GRIN2C: variants seen among roughly 807,000 people sequenced by gnomAD.
The protein encoded by GRIN2C is glutamate ionotropic receptor NMDA type subunit 2C, also known as glutamate receptor ionotropic, NMDA 2C.
In GRIN2C, 64 loss-of-function variants were observed where a neutral mutation model predicts 77.7. That is an observed-to-expected ratio of 0.82 (90% CI 0.67 to 1.01). GRIN2C has a LOEUF of 1.01. Ranked by LOEUF, GRIN2C falls within the 50% of genes least tolerant of loss-of-function variation. The pLI is 0.00. For missense variants in GRIN2C, 1,549 were observed against 1,486.0 expected (o/e 1.04, Z -0.70); for synonymous variants, 792 against 643.4 (o/e 1.23, Z -3.49).
rs1291085537 is a variant in GRIN2C, at chr17:74,842,076, C to T, written c.*359G>A. 4 of 260,482 alleles carry T rather than the reference C, an allele frequency of 1.5e-5. No homozygotes were observed. The highest frequency in any genetic ancestry group is 2.9e-5 in the Non-Finnish European group (4 of 137,146). 16.1% of individuals were successfully genotyped at this position (260,482 alleles called of 1,614,324 possible). A position where few individuals can be genotyped will look rare whatever the true frequency, so the allele number is the denominator to read the frequency against. On this transcript the variant is annotated 3_prime_UTR_variant, in exon 13 of 13. Transcript: ENST00000293190. ...GTGCTCTGATGAGAAGAAACTCTAG[C>T]CAGGTAGAGCAAGGATCGGGATGGC...
chr17:74,858,997 C>T (rs1345310735), intron 1 of GRIN2C, among the ~76,000 whole-genome samples: 1 of 152,132 alleles, frequency 6.6e-6, no homozygotes, highest in Non-Finnish European at 1.5e-5. Context: ...GGGCACCTGC[C>T]CTTCTTCCCC....
rs755875501 is a variant in GRIN2C, at chr17:74,847,561, G to A, written c.1772-24C>T. On this transcript the variant is annotated intron_variant, in intron 8 of 12. Transcript: ENST00000293190. This position sits in a 1 kb window ranked among gnomAD's most constrained non-coding sequence, Gnocchi z 5.2. ...CTCTGGGGGCAAGAGGCGGGGGGATGCTGGAGCTCCTCCTGCCCACCATGA... is the reference window on the plus strand; with the variant it reads ...CTCTGGGGGCAAGAGGCGGGGGGATACTGGAGCTCCTCCTGCCCACCATGA... 3 of 1,511,306 alleles carry A rather than the reference G, an allele frequency of 2.0e-6. No individual in the cohort carries two copies. The highest frequency in any genetic ancestry group is 1.4e-5 in the African/African-American group (1 of 73,098). The allele number at this position is 1,511,306 out of a possible 1,614,324, so 93.6% of individuals were successfully genotyped here. A position where few individuals can be genotyped will look rare whatever the true frequency, so the allele number is the denominator to read the frequency against.
intron 1 of GRIN2C, among the ~76,000 whole-genome samples, chr17:74,858,771 C>T (rs1379452180): frequency 1.3e-5 from 2 of 151,988 alleles, no homozygotes; most frequent in East Asian, 1.9e-4. Flanking sequence ...CGCAACCAAC[C>T]GTCCTCCCAT....
upstream of GRIN2C, chr17:74,860,350 G>T: frequency 2.2e-6 from 1 of 450,666 alleles, no homozygotes. Flanking sequence ...GAGGGCTGGG[G>T]GACCGAGCCA....
At chr17:74,843,724 G>C (rs35682390) in intron 12 of GRIN2C, among the ~76,000 whole-genome samples, 171 bp from the exon 13 acceptor site, 2,975 of 152,316 alleles carry the variant, frequency 0.02, 51 homozygotes, top group Middle Eastern at 0.058. Flanking sequence ...ATGAATGAGT[G>C]GTCTGAGCGC....
In GRIN2C at chr17:74,849,976, T is replaced by C. The variant is rs201885595; in HGVS notation, c.1492-43A>G. The C allele has an allele frequency of 9.9e-4, 1,568 of 1,589,950 alleles. 5 individuals carry two copies. Among genetic ancestry groups the C allele is most frequent in the Non-Finnish European group, 1.1e-3 (1,322 of 1,168,820 alleles). On this transcript the variant is annotated intron_variant, in intron 6 of 12. Coordinates refer to ENST00000293190, the MANE Select transcript of GRIN2C (RefSeq NM_000835.6). The surrounding 1 kb of genome is among the most constrained non-coding windows in gnomAD (Gnocchi z 4.6). ...CGGAGGTTTGAAAAAGGGGCTCCCG[T>C]GGGGTGGACACGCTGCACAGGCACC...
At chr17:74,851,725 A>C in intron 3 of GRIN2C, 34 bp from the exon 4 acceptor site, 1 of 1,326,712 alleles carries the variant, frequency 7.5e-7, no homozygotes, top group Non-Finnish European at 1.1e-6. Context: ...CAGCCCTGCC[A>C]AGGACCAGGC....
chr17:74,852,128 T>C lies in GRIN2C; in HGVS notation c.883A>G (p.Ile295Val). Residue 295 changes from isoleucine (I) to valine (V), a missense_variant, in exon 3 of 13, where the codon ATT becomes GTT. Ile to Val is a conservative substitution (Grantham distance 29). This residue lies in a region of GRIN2C where 717 missense variants were observed against 858.1 expected (regional missense o/e 0.84). Transcript: ENST00000293190. ...LRQKVRDGVA[I>V]LALGAHSYWR... ...TAGCTGTGGGCGCCCAGGGCCAGAATGGCCACGCCGTCGCGCACCTTCTGG... is the reference window on the plus strand; with the variant it reads ...TAGCTGTGGGCGCCCAGGGCCAGAACGGCCACGCCGTCGCGCACCTTCTGG... The C allele has an allele frequency of 6.9e-7, 1 of 1,457,192 alleles. No individual in the cohort carries two copies. Among genetic ancestry groups the C allele is most frequent in the Non-Finnish European group, 9.1e-7 (1 of 1,104,096 alleles). 90.3% of individuals were successfully genotyped at this position (1,457,192 alleles called of 1,614,324 possible).
upstream of GRIN2C, chr17:74,860,953 C>T (rs1415354581): frequency 5.6e-6 from 1 of 177,376 alleles, no homozygotes. Flanking sequence ...TTCACCTTCT[C>T]GACTCCTTTC....
chr17:74,850,236 C>G lies in GRIN2C; in HGVS notation c.1461G>C (p.Val487=). The G allele has an allele frequency of 6.2e-7, 1 of 1,613,738 alleles. No homozygotes were observed. The highest frequency in any genetic ancestry group is 8.5e-7 in the Non-Finnish European group (1 of 1,180,006). ...CAATCATGCCGTTCCATACGCCGCG[C>G]ACCCGCTTGCCATGCTTGCCGTTGG... ...LVTNGKHGKR[V]RGVWNGMIGE... is the part of the protein sequence containing the mutation. Residue 487 remains valine (V), a synonymous_variant, in exon 6 of 13, where the codon GTG becomes GTC. Coordinates refer to ENST00000293190, the MANE Select transcript of GRIN2C (RefSeq NM_000835.6). The surrounding 1 kb of genome is among the most constrained non-coding windows in gnomAD (Gnocchi z 5.3).
rs1458558763 is a variant in GRIN2C at position 74,846,760 on chromosome 17, C to A, written c.2162G>T (p.Gly721Val). ...AGCGGGTGCAGGGCTGGGGACCCAC[C>A]CCATCTTGAGGCTGGTGAGCGCGTC... is the stretch of plus-strand genomic sequence containing the variant. ...VEDALTSLKM[G>V]KLDAFIYDAA... The change falls in exon 10 of 13, where the codon GGG (glycine) becomes GTG (valine). Residue 721 changes from glycine (G) to valine (V), a missense_variant and splice_region_variant. Coordinates refer to ENST00000293190, the MANE Select transcript of GRIN2C (RefSeq NM_000835.6). The surrounding 1 kb of genome is among the most constrained non-coding windows in gnomAD (Gnocchi z 4.4). The A allele has an allele frequency of 6.2e-7, 1 of 1,613,026 alleles. No homozygotes were observed. The highest frequency in any genetic ancestry group is 1.3e-5 in the African/African-American group (1 of 74,930).
upstream of GRIN2C, among the ~76,000 whole-genome samples, chr17:74,861,167 C>T (rs2037944184): frequency 6.6e-6 from 1 of 152,202 alleles, no homozygotes; most frequent in African/African-American, 2.4e-5. Flanking sequence ...TCGCCCGCGT[C>T]CTTCTCTCGC....
intron 11 of GRIN2C, among the ~76,000 whole-genome samples, chr17:74,845,230 G>A (rs943007935): frequency 1.9e-4 from 27 of 145,228 alleles, no homozygotes; most frequent in Non-Finnish European, 3.2e-4. Context: ...TCACCTGGCC[G>A]CTCTCATTAT....
chr17:74,850,158 G>A lies in GRIN2C; in HGVS notation c.1491+48C>T. ...CTGAGAGCCACATGGGGCCTGGGCA[G>A]CAGGTGGGCAGGCAGGGCAGGTGAG... On this transcript the variant is annotated intron_variant, in intron 6 of 12. Transcript: ENST00000293190. This position sits in a 1 kb window ranked among gnomAD's most constrained non-coding sequence, Gnocchi z 5.3. 1 of 1,593,184 alleles carries A rather than the reference G, an allele frequency of 6.3e-7. No individual in the cohort carries two copies. The highest frequency in any genetic ancestry group is 1.1e-5 in the South Asian group (1 of 90,450).
intron 1 of GRIN2C, among the ~76,000 whole-genome samples, chr17:74,856,022 C>T (rs540246236): frequency 1.2e-4 from 19 of 152,238 alleles, no homozygotes; most frequent in Admixed American, 7.8e-4. Flanking sequence ...GCTGGCCTCT[C>T]GGGCCATCAC....
At position 74,847,037 on chromosome 17, in the gene GRIN2C, G is replaced by A. The variant is rs1567890906; in HGVS notation, c.2002-117C>T. 1.8e-6 allele frequency: 2 copies of A among 1,123,126 alleles called. No homozygotes were observed. Among genetic ancestry groups the A allele is most frequent in the Non-Finnish European group, 2.5e-6 (2 of 793,608 alleles). 69.6% of individuals were successfully genotyped at this position (1,123,126 alleles called of 1,614,324 possible). On this transcript the variant is annotated intron_variant, in intron 9 of 12. Coordinates refer to ENST00000293190, the MANE Select transcript of GRIN2C (RefSeq NM_000835.6). The surrounding 1 kb of genome is among the most constrained non-coding windows in gnomAD (Gnocchi z 5.2). Reference sequence around the variant, plus strand: ...TGGACTTGCATAGTCAGAGCAGAAGGTCTTAAAGGCTGTCCAGGCCACTCC... The same window carrying A: ...TGGACTTGCATAGTCAGAGCAGAAGATCTTAAAGGCTGTCCAGGCCACTCC...
At position 74,859,127 on chromosome 17, in the gene GRIN2C, G is replaced by A. The variant is rs2037891939; in HGVS notation, c.-16+617C>T. ...ACACCCTGCCCCACACTGGACTGCGGGCTCCTTGAGGGCAGACACATTGTC... is the reference window on the plus strand; with the variant it reads ...ACACCCTGCCCCACACTGGACTGCGAGCTCCTTGAGGGCAGACACATTGTC... On this transcript the variant is annotated intron_variant, in intron 1 of 12. Transcript: ENST00000293190. This position sits in a 1 kb window ranked among gnomAD's most constrained non-coding sequence, Gnocchi z 5.9. Among the ~76,000 whole-genome samples, 1 of 152,182 alleles carries A rather than the reference G, an allele frequency of 6.6e-6. No individual in the cohort carries two copies. The highest frequency in any genetic ancestry group is 2.4e-5 in the African/African-American group (1 of 41,438).
upstream of GRIN2C, among the ~76,000 whole-genome samples, chr17:74,860,069 G>A (rs932273193): frequency 6.6e-6 from 1 of 152,148 alleles, no homozygotes; most frequent in Non-Finnish European, 1.5e-5. Flanking sequence ...GCAGTGGGGG[G>A]ACCAAGCCAG....
rs2037683531 is a variant in GRIN2C, at chr17:74,852,414, G to A, written c.597C>T (p.Val199=). The A allele has an allele frequency of 6.6e-7, 1 of 1,506,906 alleles. No individual in the cohort carries two copies. The highest frequency in any genetic ancestry group is 8.8e-7 in the Non-Finnish European group (1 of 1,135,812). 93.3% of individuals were successfully genotyped at this position (1,506,906 alleles called of 1,614,324 possible). The part of the protein sequence containing the change: ...SHVSWRLLDV[V]TLELGPGGPR... ...GCCCTCCCGGGCCCAGCTCCAGCGTGACCACGTCCAGCAGCCGCCAACTCA... is the reference window on the plus strand; with the variant it reads ...GCCCTCCCGGGCCCAGCTCCAGCGTAACCACGTCCAGCAGCCGCCAACTCA... Residue 199 remains valine (V), a synonymous_variant, in exon 3 of 13, where the codon GTC becomes GTT. Transcript: ENST00000293190.
Sources: gnomAD v4.1 joint callset for allele counts (sites outside exome capture counted in the v4.1 genomes callset) on GRCh38, gnomAD v4.1.1 for gene constraint, gnomAD v4.1.1 regional missense constraint, Gnocchi (gnomAD v3.1) non-coding constraint, MANE v1.5 for transcripts, NCBI Gene and HGNC (gene_info 2026-07-23, HGNC 2026-07-21) for gene names.